ZMYM2: variants seen among roughly 807,000 people sequenced by gnomAD.
ZMYM2 encodes the protein zinc finger MYM-type protein 2.
ZMYM2 carries 56 observed loss-of-function variants against 162.8 expected under a neutral mutation model. That is an observed-to-expected ratio of 0.34 (90% CI 0.28 to 0.43). ZMYM2 has a LOEUF of 0.43. Ranked by LOEUF, ZMYM2 falls within the 20% of genes least tolerant of loss-of-function variation. ZMYM2 has a pLI of 1.00. For missense variants in ZMYM2, 1,275 were observed against 1,621.8 expected (o/e 0.79, Z 3.67); for synonymous variants, 510 against 541.6 (o/e 0.94, Z 0.81).
At chr13:20,012,582 G>GT (rs1437898835) in intron 6 of ZMYM2, among the ~76,000 whole-genome samples, 2 of 152,180 alleles carry the variant, frequency 1.3e-5, no homozygotes, top group African/African-American at 4.8e-5. Flanking sequence ...TTCCTCTACA[G>GT]TTTCCTCTAA....
chr13:20,028,109 C>T (rs1566336074), intron 9 of ZMYM2: 1 of 171,716 alleles, frequency 5.8e-6, no homozygotes, highest in Non-Finnish European at 1.3e-5. Context: ...AATATAGTTT[C>T]TTAAGTATAA....
chr13:19,979,660 C>T (rs919707854), intron 2 of ZMYM2, among the ~76,000 whole-genome samples: 1 of 152,210 alleles, frequency 6.6e-6, no homozygotes, highest in Non-Finnish European at 1.5e-5. Context: ...AGCCCAAACA[C>T]ACAATCCCAA....
rs747522620 is a variant in ZMYM2, at chr13:20,062,892, C to T, written c.2958C>T (p.Asn986=). The T allele has an allele frequency of 3.1e-6, 5 of 1,596,304 alleles. No homozygotes were observed. The highest frequency in any genetic ancestry group is 4.3e-6 in the Non-Finnish European group (5 of 1,169,690). Residue 986 remains asparagine, a synonymous_variant, in exon 18 of 25, where the codon AAC becomes AAT. Transcript: ENST00000610343. ...TAATTGGTTCAGACCTTTTGAAGAA[C>T]TCTGACCCAGAGACACAGTCCAGCA... The part of the protein sequence containing the change: ...TDIIGSDLLK[N]SDPETQSSMP...
the ZMYM2 span, among the ~76,000 whole-genome samples, chr13:19,913,387 A>C: frequency 6.6e-6 from 1 of 152,106 alleles, no homozygotes; most frequent in African/African-American, 2.4e-5. Flanking sequence ...GCATTCCATC[A>C]TCAAATGGAA....
chr13:20,035,457 A>G (rs1953603804), intron 11 of ZMYM2, among the ~76,000 whole-genome samples: 1 of 152,174 alleles, frequency 6.6e-6, no homozygotes, highest in Admixed American at 6.5e-5. Flanking sequence ...AAAATGACAA[A>G]TCTTACAATG....
intron 3 of ZMYM2, among the ~76,000 whole-genome samples, chr13:19,994,695 G>A (rs1949887620): frequency 6.6e-6 from 1 of 152,000 alleles, no homozygotes; most frequent in African/African-American, 2.4e-5. Context: ...TGTTGGCCAG[G>A]CCAGGCTGGT....
At chr13:19,957,621 C>T (rs542199436), upstream of ZMYM2, among the ~76,000 whole-genome samples, 1 of 152,352 alleles carries the variant, frequency 6.6e-6, no homozygotes, top group Admixed American at 6.5e-5. Flanking sequence ...GAGTGCGCCC[C>T]GCGATGCAGC....
intron 2 of ZMYM2, among the ~76,000 whole-genome samples, chr13:19,965,771 C>CTTTTTTTTTTTTTTTTTTTTTTTTTT (rs35914050): frequency 9.5e-6 from 1 of 104,888 alleles, no homozygotes; most frequent in Non-Finnish European, 1.9e-5. Flanking sequence ...TATCTGAATT[C>CTTTTTTTTTTTTTTTTTTTTTTTTTT]TTTTTTTTTT....
chr13:20,019,576 G>T lies in ZMYM2; in HGVS notation c.1542G>T (p.Glu514Asp). 6.3e-7 allele frequency: 1 copy of T among 1,596,448 alleles called. No homozygotes were observed. The highest frequency in any genetic ancestry group is 8.5e-7 in the Non-Finnish European group (1 of 1,170,914). ...GTAGCCATCCAAGCTTCCTGAAGGA[G>T]GTTCGAGATCACATGCAGGACTCTT... ...QVGSHPSFLK[E>D]VRDHMQDSFL... The change falls in exon 7 of 25, where the codon GAG becomes GAT. Residue 514 changes from glutamate (E) to aspartate (D), a missense_variant. By Grantham distance (45) the Glu-to-Asp change is conservative. Transcript: ENST00000610343.
At chr13:19,934,443 C>G in the ZMYM2 span, among the ~76,000 whole-genome samples, 1 of 152,126 alleles carries the variant, frequency 6.6e-6, no homozygotes, top group Non-Finnish European at 1.5e-5. Flanking sequence ...CAAGCATGAG[C>G]CACCAAACCT....
the ZMYM2 span, among the ~76,000 whole-genome samples, chr13:19,893,465 C>T: frequency 3.1e-3 from 466 of 149,186 alleles, 12 homozygotes; most frequent in African/African-American, 0.011. Flanking sequence ...AGTCCAGGCA[C>T]GGTGGCTCAC....
chr13:20,085,946 G>C lies in ZMYM2; in HGVS notation c.4066G>C (p.Val1356Leu). The stretch of plus-strand genomic sequence containing the variant: ...CCGAAACACCTTGGAAAATATGCTT[G>C]TACGGGTTCTTCTAGTAAAAGATAT... ...LDRNTLENMLVRVLLVKDIYD... is the reference protein window; with the variant it reads ...LDRNTLENMLLRVLLVKDIYD... The change falls in exon 25 of 25, where the codon GTA (valine) becomes CTA (leucine). Residue 1356 changes from valine (V) to leucine (L), a missense_variant. By Grantham distance (32) the Val-to-Leu change is conservative. Transcript: ENST00000610343. The C allele has an allele frequency of 2.5e-6, 4 of 1,613,758 alleles. No individual in the cohort carries two copies. Among genetic ancestry groups the C allele is most frequent in the Non-Finnish European group, 3.4e-6 (4 of 1,179,754 alleles).
the ZMYM2 span, among the ~76,000 whole-genome samples, chr13:19,867,892 C>T: frequency 2.0e-5 from 3 of 152,350 alleles, no homozygotes; most frequent in East Asian, 5.8e-4. Flanking sequence ...TCCCAGAGTA[C>T]TGGGATTACA....
At chr13:19,968,938 G>A (rs1956051824) in intron 2 of ZMYM2, among the ~76,000 whole-genome samples, 1 of 152,106 alleles carries the variant, frequency 6.6e-6, no homozygotes, top group Non-Finnish European at 1.5e-5. Context: ...AAGTGTAATA[G>A]GTAATAAACA....
chr13:19,940,635 A>C, the ZMYM2 span, among the ~76,000 whole-genome samples: 1 of 152,218 alleles, frequency 6.6e-6, no homozygotes. Flanking sequence ...TCTGTAGGAG[A>C]GATCAAACTA....
chr13:20,063,891 A>ATAAATATATACAATATAT (rs1441136899), intron 18 of ZMYM2, among the ~76,000 whole-genome samples: 12 of 9,254 alleles, frequency 1.3e-3, no homozygotes, highest in Non-Finnish European at 9.3e-3. Context: ...TATATAATAT[A>ATAAATATATACAATATAT]AATATAATTT....
the ZMYM2 span, among the ~76,000 whole-genome samples, chr13:19,881,790 C>T: frequency 1.3e-5 from 2 of 151,786 alleles, no homozygotes; most frequent in African/African-American, 2.4e-5. Flanking sequence ...TTCAAGACCA[C>T]ACTGGCCACC....
At chr13:19,972,625 T>C (rs1460218641) in intron 2 of ZMYM2, among the ~76,000 whole-genome samples, 3 of 152,160 alleles carry the variant, frequency 2.0e-5, no homozygotes, top group Non-Finnish European at 4.4e-5. Flanking sequence ...CTATTGTAGA[T>C]AATGCTGCAA....
Position 20,006,357 on chromosome 13 carries a change from GTTTA to G in ZMYM2, c.1300-13_1300-10del, listed in dbSNP as rs1950751016. ...AGATTGATCTGTTTTGTAAGATTTT[GTTTA>G]TTTTTCTTTTAGATTCGCCATGAAG... On this transcript the variant is annotated splice_polypyrimidine_tract_variant and intron_variant, in intron 5 of 24. Coordinates refer to ENST00000610343, the MANE Select transcript of ZMYM2 (RefSeq NM_197968.4). 1 of 1,551,098 alleles carries G rather than the reference GTTTA, an allele frequency of 6.4e-7. No homozygotes were observed. The highest frequency in any genetic ancestry group is 8.7e-7 in the Non-Finnish European group (1 of 1,146,092).
Sources: gnomAD v4.1 joint callset for allele counts (sites outside exome capture counted in the v4.1 genomes callset) on GRCh38, gnomAD v4.1.1 for gene constraint, MANE v1.5 for transcripts, NCBI Gene and HGNC (gene_info 2026-07-23, HGNC 2026-07-21) for gene names.